TRIM35: variants seen among roughly 807,000 people sequenced by gnomAD.
TRIM35 encodes the protein E3 ubiquitin-protein ligase TRIM35.
A neutral mutation model predicts 49.1 loss-of-function variants in TRIM35; 37 were observed. The ratio of observed to expected loss-of-function variants is 0.75; its 90% CI spans 0.58 to 0.99. The LOEUF (loss-of-function observed/expected upper bound fraction) is 0.99, where lower values mean the gene tolerates loss of function less well. Ranked by LOEUF, TRIM35 falls within the 50% of genes least tolerant of loss-of-function variation. The pLI, the probability that TRIM35 is intolerant of heterozygous loss-of-function variation, is 0.00. For synonymous variants in TRIM35, 302 were observed against 289.3 expected, an observed-to-expected ratio of 1.04 and a Z score of -0.45; for missense variants, 648 against 702.7, an observed-to-expected ratio of 0.92 and a Z score of 0.88.
chr8:27,294,465 AAATTTCT>A (rs1802525946), intron 2 of TRIM35, among the ~76,000 whole-genome samples, 155 bp from the exon 3 acceptor site: 1 of 152,250 alleles, frequency 6.6e-6, no homozygotes, highest in South Asian at 2.1e-4. Flanking sequence ...TTATAAGCAC[AAATTTCT>A]AAGTTCCGAT....
chr8:27,292,753 C>G (rs1288526988), intron 3 of TRIM35, among the ~76,000 whole-genome samples: 1 of 152,082 alleles, frequency 6.6e-6, no homozygotes, highest in Non-Finnish European at 1.5e-5. Context: ...ATGAAATGTT[C>G]TAAAATTGTC....
intron 3 of TRIM35, among the ~76,000 whole-genome samples, chr8:27,291,295 C>T (rs777479697): frequency 1.3e-5 from 2 of 151,976 alleles, no homozygotes; most frequent in Non-Finnish European, 2.9e-5. Context: ...ATCAAAAAGC[C>T]CATGAAAAGA....
chr8:27,309,980 C>G (rs1376931485), intron 1 of TRIM35, among the ~76,000 whole-genome samples: 3 of 102,098 alleles, frequency 2.9e-5, no homozygotes, highest in Non-Finnish European at 6.0e-5. Context: ...CGATAGAGGT[C>G]TCAAAAAAAA....
At chr8:27,292,848 T>A (rs538179602) in intron 3 of TRIM35, among the ~76,000 whole-genome samples, 1 of 152,208 alleles carries the variant, frequency 6.6e-6, no homozygotes, top group African/African-American at 2.4e-5. Flanking sequence ...GTAAATTATA[T>A]CTCAATAAAG....
intron 1 of TRIM35, among the ~76,000 whole-genome samples, chr8:27,306,261 A>G (rs1030806123): frequency 2.0e-5 from 3 of 152,160 alleles, no homozygotes; most frequent in Non-Finnish European, 4.4e-5. Flanking sequence ...GCCACGACAT[A>G]AACAGCGCTG....
chr8:27,287,277 T>G lies in TRIM35; in HGVS notation c.*273A>C. On this transcript the variant is annotated 3_prime_UTR_variant, in exon 6 of 6. Coordinates refer to ENST00000305364, the MANE Select transcript of TRIM35 (RefSeq NM_171982.5). The surrounding 1 kb of genome is among the most constrained non-coding windows in gnomAD (Gnocchi z 6.0). ...AACATTATTCCCAGAAATCCTGGAA[T>G]AGGGATTCAGAAAATTCACATTGTG... 1 of 452,368 alleles carries G rather than the reference T, an allele frequency of 2.2e-6. No individual in the cohort carries two copies. The allele number at this position is 452,368 out of a possible 1,614,324, so 28.0% of individuals were successfully genotyped here. A position where few individuals can be genotyped will look rare whatever the true frequency, so the allele number is the denominator to read the frequency against.
chr8:27,298,264 G>A (rs967201102), intron 2 of TRIM35, among the ~76,000 whole-genome samples, 200 bp downstream of exon 2: 1 of 152,202 alleles, frequency 6.6e-6, no homozygotes, highest in African/African-American at 2.4e-5. Flanking sequence ...GCATGACCAC[G>A]CCTGGGTCTT....
chr8:27,297,016 C>A (rs1402465833), intron 2 of TRIM35, among the ~76,000 whole-genome samples: 4 of 152,064 alleles, frequency 2.6e-5, no homozygotes, highest in Admixed American at 6.5e-5. Context: ...AGGGGATTAG[C>A]TTGGAGGGGG....
At chr8:27,296,734 T>C (rs1802576067) in intron 2 of TRIM35, among the ~76,000 whole-genome samples, 1 of 152,212 alleles carries the variant, frequency 6.6e-6, no homozygotes, top group Non-Finnish European at 1.5e-5. Context: ...GACTCCACGA[T>C]GACTACTGGA....
chr8:27,303,554 A>G (rs1424838896), intron 1 of TRIM35, among the ~76,000 whole-genome samples: 1 of 152,250 alleles, frequency 6.6e-6, no homozygotes, highest in Non-Finnish European at 1.5e-5. Context: ...TAGCCCAAGG[A>G]GCACATGAAT....
At position 27,294,095 on chromosome 8, in the gene TRIM35, G is replaced by A. The variant is rs145200366; in HGVS notation, c.747C>T (p.Asp249=). The change falls in exon 3 of 6, where the codon GAC becomes GAT. Residue 249 remains aspartate, a synonymous_variant. Coordinates refer to ENST00000305364, the MANE Select transcript of TRIM35 (RefSeq NM_171982.5). ...AGCTCCTTACCATGAGAAAAGAAAC[G>A]TCGTCCTCCTTCATCTCCATCTGCA... The part of the protein sequence containing the change: ...ERLQMEMKED[D]VSFLMKHKSR... The A allele has an allele frequency of 6.9e-5, 112 of 1,614,040 alleles. No homozygotes were observed. The highest frequency in any genetic ancestry group is 1.6e-4 in the East Asian group (7 of 44,872).
Position 27,310,836 on chromosome 8 carries a change from C to A in TRIM35, c.400G>T (p.Val134Leu). Reference sequence around the variant, plus strand: ...TGGGCAGTGTCCTTCACCGGCTGCACGCGGTGCCCCTGGTGTCGGGGGTCG... The same window carrying A: ...TGGGCAGTGTCCTTCACCGGCTGCAAGCGGTGCCCCTGGTGTCGGGGGTCG... Reference protein sequence around the residue: ...QADPRHQGHRVQPVKDTAHDF... With the variant: ...QADPRHQGHRLQPVKDTAHDF... The change falls in exon 1 of 6, where the codon GTG becomes TTG. Residue 134 changes from valine (V) to leucine (L), a missense_variant. Val to Leu is a conservative substitution (Grantham distance 32, BLOSUM62 1). Coordinates refer to ENST00000305364, the MANE Select transcript of TRIM35 (RefSeq NM_171982.5). The A allele has an allele frequency of 6.2e-7, 1 of 1,607,360 alleles. No homozygotes were observed. Among genetic ancestry groups the A allele is most frequent in the Admixed American group, 1.7e-5 (1 of 59,712 alleles).
At chr8:27,291,792 G>A (rs1046655654) in intron 3 of TRIM35, among the ~76,000 whole-genome samples, 7 of 152,188 alleles carry the variant, frequency 4.6e-5, no homozygotes, top group African/African-American at 1.7e-4. Flanking sequence ...GAGCCCTCAT[G>A]CTGTGTCATC....
chr8:27,311,060 A>G lies in TRIM35; in HGVS notation c.176T>C (p.Val59Ala), dbSNP rs769898660. The G allele has an allele frequency of 3.8e-6, 6 of 1,597,796 alleles. No homozygotes were observed. Among genetic ancestry groups the G allele is most frequent in the Admixed American group, 1.8e-5 (1 of 56,978 alleles). The change falls in exon 1 of 6, where the codon GTG (valine) becomes GCG (alanine). Residue 59 changes from valine (V) to alanine (A), a missense_variant. Transcript: ENST00000305364. ...GGCGGGTGACGCGCGGTCTTTGCAC[A>G]CTGGGCAGGTGGGCGACACCTGCAC... ...WEVQVSPTCPVCKDRASPADL... is the reference protein window; with the variant it reads ...WEVQVSPTCPACKDRASPADL...
intron 5 of TRIM35, 149 bp downstream of exon 5, chr8:27,289,013 G>A (rs1191553030): frequency 1.4e-5 from 9 of 622,824 alleles, no homozygotes; most frequent in Non-Finnish European, 2.0e-5. Context: ...GAACCTGCCT[G>A]CGAGGGACTG....
At position 27,289,246 on chromosome 8, in the gene TRIM35, G is replaced by T. The variant is rs1308073104; in HGVS notation, c.820C>A (p.Pro274Thr). 6.2e-7 allele frequency: 1 copy of T among 1,614,124 alleles called. No homozygotes were observed. The highest frequency in any genetic ancestry group is 1.1e-5 in the South Asian group (1 of 91,080). ...TTGCAGACATCGATAAGCATGCCGG[G>T]CTGGACTGGCTCTGGCTCCATGGTG... is the stretch of plus-strand genomic sequence containing the variant. ...FCTMEPEPVQPGMLIDVCKYL... is the reference protein window; with the variant it reads ...FCTMEPEPVQTGMLIDVCKYL... The change falls in exon 5 of 6, where the codon CCC becomes ACC. Residue 274 changes from proline to threonine, a missense_variant. Coordinates refer to ENST00000305364, the MANE Select transcript of TRIM35 (RefSeq NM_171982.5).
At chr8:27,294,821 TG>T (rs1366769121) in intron 2 of TRIM35, among the ~76,000 whole-genome samples, 29 of 107,190 alleles carry the variant, frequency 2.7e-4, no homozygotes, top group Non-Finnish European at 4.3e-4. Context: ...ACAAAAAGTT[TG>T]TTTTTTTTTT....
chr8:27,310,660 C>G lies in TRIM35; in HGVS notation c.435+141G>C, dbSNP rs1322704281. 6.3e-6 allele frequency: 6 copies of G among 955,864 alleles called. No homozygotes were observed. In the Admixed American group the frequency reaches 8.8e-5, roughly 14 times the overall value. 59.2% of individuals were successfully genotyped at this position (955,864 alleles called of 1,614,324 possible). A position where few individuals can be genotyped will look rare whatever the true frequency, so the allele number is the denominator to read the frequency against. ...AGCAGCCAGCCCTGAGAACCTGGGT[C>G]GGAGAGGTGGGGTCCTGCATGCTGG... On this transcript the variant is annotated intron_variant, in intron 1 of 5. Coordinates refer to ENST00000305364, the MANE Select transcript of TRIM35 (RefSeq NM_171982.5).
At position 27,309,288 on chromosome 8, in the gene TRIM35, C is replaced by T. The variant is rs912596110; in HGVS notation, c.435+1513G>A. On this transcript the variant is annotated intron_variant, in intron 1 of 5. Transcript: ENST00000305364. ...CCTGGGCCCCAGACCCCTGGCTGGCCAGCACTTATTCCAGCTGTCCCAAAT... is the reference window on the plus strand; with the variant it reads ...CCTGGGCCCCAGACCCCTGGCTGGCTAGCACTTATTCCAGCTGTCCCAAAT... Among the ~76,000 whole-genome samples the T allele has an allele frequency of 5.3e-5, 8 of 152,186 alleles. 1 individual carries two copies. The highest frequency in any genetic ancestry group is 3.9e-4 in the Admixed American group (6 of 15,284).
Sources: gnomAD v4.1 joint callset for allele counts (sites outside exome capture counted in the v4.1 genomes callset) on GRCh38, gnomAD v4.1.1 for gene constraint, Gnocchi (gnomAD v3.1) non-coding constraint, MANE v1.5 for transcripts, NCBI Gene and HGNC (gene_info 2026-07-23, HGNC 2026-07-21) for gene names.